Variants in CSMD1 observed in about 807,000 individuals in gnomAD.
CSMD1 encodes CUB and Sushi multiple domains 1.
Under a neutral mutation model 417.5 loss-of-function variants are expected in CSMD1, and 213 were observed. The observed-to-expected ratio is 0.51, with a 90% confidence interval of 0.46 to 0.57. The LOEUF is 0.57. Ranked by LOEUF, CSMD1 falls within the 20% of genes least tolerant of loss-of-function variation. The probability of loss-of-function intolerance (pLI) is 0.00; values close to 1 mark genes in which losing one functional copy is unlikely to be tolerated. For missense variants in CSMD1, 6,923 were observed against 4,529.7 expected, an observed-to-expected ratio of 1.53 and a Z score of -15.17; for synonymous variants, 2,862 against 1,736.8, an observed-to-expected ratio of 1.65 and a Z score of -16.11.
At chr8:4,842,937 G>C (rs1170044458) in intron 1 of CSMD1, among the ~76,000 whole-genome samples, 2 of 152,210 alleles carry the variant, frequency 1.3e-5, no homozygotes, top group Non-Finnish European at 2.9e-5. Context: ...TGGATGACCA[G>C]TGTATGTGAA....
At chr8:4,078,162 G>A (rs955354580) in intron 3 of CSMD1, among the ~76,000 whole-genome samples, 7 of 151,996 alleles carry the variant, frequency 4.6e-5, no homozygotes, top group African/African-American at 1.5e-4. Flanking sequence ...AATTTCCAAT[G>A]GCAATTCAGT....
intron 3 of CSMD1, among the ~76,000 whole-genome samples, chr8:4,106,897 A>G (rs1801596967): frequency 6.6e-6 from 1 of 152,202 alleles, no homozygotes; most frequent in Non-Finnish European, 1.5e-5. Context: ...TAATATTTAA[A>G]AACAAATCAA....
At chr8:4,842,907 T>C (rs772667754) in intron 1 of CSMD1, among the ~76,000 whole-genome samples, 100 of 152,152 alleles carry the variant, frequency 6.6e-4, no homozygotes, top group Non-Finnish European at 1.1e-3. Flanking sequence ...TTGGAATAAA[T>C]CTTAAAGGTT....
chr8:3,720,597 T>C (rs915657814), intron 6 of CSMD1, among the ~76,000 whole-genome samples: 1 of 138,568 alleles, frequency 7.2e-6, no homozygotes. Flanking sequence ...CCTCACAGCA[T>C]TGGTGGTCAA....
chr8:3,183,936 G>A (rs1821592219), intron 36 of CSMD1, among the ~76,000 whole-genome samples: 1 of 152,120 alleles, frequency 6.6e-6, no homozygotes. Context: ...TTTTGAGCCT[G>A]ATCTTTTCCT....
intron 3 of CSMD1, among the ~76,000 whole-genome samples, chr8:4,407,588 T>G (rs926220521): frequency 3.3e-5 from 5 of 152,224 alleles, no homozygotes; most frequent in African/African-American, 4.8e-5. Flanking sequence ...GATACCTCAC[T>G]TAAATTTCTA....
intron 7 of CSMD1, among the ~76,000 whole-genome samples, chr8:3,621,767 T>TTA (rs1563206726): frequency 6.6e-6 from 1 of 150,664 alleles, no homozygotes; most frequent in Non-Finnish European, 1.5e-5. Flanking sequence ...TTATTATTAT[T>TTA]TTATTATTAT....
At chr8:3,868,629 A>G (rs968598241) in intron 5 of CSMD1, among the ~76,000 whole-genome samples, 2 of 152,198 alleles carry the variant, frequency 1.3e-5, no homozygotes, top group East Asian at 1.9e-4. Flanking sequence ...ATGCATATAA[A>G]CAAGTTCCTA....
intron 26 of CSMD1, among the ~76,000 whole-genome samples, chr8:3,277,621 T>C (rs1334707040): frequency 1.3e-5 from 2 of 152,048 alleles, no homozygotes; most frequent in African/African-American, 2.4e-5. Flanking sequence ...ACCGGGAAGA[T>C]GTCAAGGGGC....
At chr8:2,974,826 C>T (rs1804784720) in intron 55 of CSMD1, among the ~76,000 whole-genome samples, 1 of 152,122 alleles carries the variant, frequency 6.6e-6, no homozygotes, top group Admixed American at 6.5e-5. Context: ...AAGGAAAGGT[C>T]CCGTTTATGA....
At chr8:4,242,432 A>T (rs1165529937) in intron 3 of CSMD1, among the ~76,000 whole-genome samples, 1 of 152,236 alleles carries the variant, frequency 6.6e-6, no homozygotes, top group Non-Finnish European at 1.5e-5. Context: ...ATGTATCATA[A>T]TACTTCAAGC....
intron 7 of CSMD1, among the ~76,000 whole-genome samples, chr8:3,659,199 C>T (rs1410000020): frequency 6.6e-6 from 1 of 152,154 alleles, no homozygotes; most frequent in Non-Finnish European, 1.5e-5. Context: ...TATTCTACGG[C>T]AAGGCAAGGG....
At chr8:3,996,100 A>G (rs1351839339) in intron 5 of CSMD1, among the ~76,000 whole-genome samples, 1 of 152,164 alleles carries the variant, frequency 6.6e-6, no homozygotes, top group East Asian at 1.9e-4. Flanking sequence ...CATGATCTGT[A>G]TTTTCTGACA....
chr8:3,173,305 G>A (rs918737404), intron 37 of CSMD1, among the ~76,000 whole-genome samples: 13 of 152,244 alleles, frequency 8.5e-5, no homozygotes, highest in East Asian at 3.9e-4. Context: ...ATTCCCAGAC[G>A]AGGCTCTGGA....
intron 3 of CSMD1, among the ~76,000 whole-genome samples, chr8:4,079,047 C>G (rs76640540): frequency 6.6e-6 from 1 of 151,348 alleles, no homozygotes; most frequent in Non-Finnish European, 1.5e-5. Context: ...GACCCGACCA[C>G]AAGAGTGGTC....
At chr8:3,803,659 G>C (rs534113798) in intron 5 of CSMD1, among the ~76,000 whole-genome samples, 1 of 152,126 alleles carries the variant, frequency 6.6e-6, no homozygotes, top group African/African-American at 2.4e-5. Flanking sequence ...GTTCATAGAG[G>C]CCAGAGTGGC....
chr8:4,303,599 C>T (rs1203588435), intron 3 of CSMD1, among the ~76,000 whole-genome samples: 1 of 151,986 alleles, frequency 6.6e-6, no homozygotes, highest in African/African-American at 2.4e-5. Context: ...ACCTTCTGGA[C>T]ATTGTCATAT....
intron 1 of CSMD1, among the ~76,000 whole-genome samples, chr8:4,779,078 C>T (rs572043844): frequency 5.3e-5 from 8 of 152,248 alleles, no homozygotes; most frequent in East Asian, 1.9e-4. Context: ...AGAATCCTTA[C>T]GAGAGGCCGT....
intron 5 of CSMD1, among the ~76,000 whole-genome samples, chr8:3,952,342 C>T (rs1377474541): frequency 6.6e-6 from 1 of 152,160 alleles, no homozygotes; most frequent in Non-Finnish European, 1.5e-5. Flanking sequence ...TAGAATAATT[C>T]AACCATCTTC....
Sources: allele counts gnomAD v4.1 joint callset (sites outside exome capture counted in the v4.1 genomes callset), GRCh38; gene constraint gnomAD v4.1.1; transcripts MANE v1.5; gene names NCBI Gene and HGNC (gene_info 2026-07-23, HGNC 2026-07-21).